SLC1A1: variants seen among roughly 807,000 people sequenced by gnomAD.
SLC1A1 encodes excitatory amino acid transporter 3.
Under a neutral mutation model 53.3 loss-of-function variants are expected in SLC1A1, and 43 were observed. The ratio of observed to expected loss-of-function variants is 0.81; its 90% CI spans 0.63 to 1.04. The LOEUF (loss-of-function observed/expected upper bound fraction) is 1.04, where lower values mean the gene tolerates loss of function less well. Ranked by LOEUF, SLC1A1 falls within the 50% of genes least tolerant of loss-of-function variation. The pLI, the probability that SLC1A1 is intolerant of heterozygous loss-of-function variation, is 0.00. For synonymous variants in SLC1A1, 307 were observed against 243.2 expected, an observed-to-expected ratio of 1.26 and a Z score of -2.44; for missense variants, 748 against 664.9, an observed-to-expected ratio of 1.12 and a Z score of -1.37.
At chr9:4,523,156 G>A (rs1197299080) in intron 1 of SLC1A1, among the ~76,000 whole-genome samples, 2 of 152,140 alleles carry the variant, frequency 1.3e-5, no homozygotes, top group Non-Finnish European at 2.9e-5. Context: ...ACTCCTGCCT[G>A]TGCTGAGTTG....
At chr9:4,561,733 A>G (rs561971509) in intron 3 of SLC1A1, among the ~76,000 whole-genome samples, 192 bp downstream of exon 3, 7 of 152,184 alleles carry the variant, frequency 4.6e-5, no homozygotes, top group Non-Finnish European at 1.0e-4. Context: ...TACCAAAAAT[A>G]CAAAAATATT....
intron 1 of SLC1A1, among the ~76,000 whole-genome samples, chr9:4,492,791 T>A (rs1405631397): frequency 6.7e-6 from 1 of 148,738 alleles, no homozygotes; most frequent in Admixed American, 6.7e-5. Flanking sequence ...AATGAGACCT[T>A]GTCTAAAAAG....
chr9:4,548,152 G>A (rs758307920), intron 2 of SLC1A1, among the ~76,000 whole-genome samples: 4 of 152,056 alleles, frequency 2.6e-5, no homozygotes, highest in Non-Finnish European at 4.4e-5. Context: ...GCCTCTGGTC[G>A]CTTCTCTGCC....
At chr9:4,505,100 G>T (rs2890588) in intron 1 of SLC1A1, among the ~76,000 whole-genome samples, 37,209 of 145,076 alleles carry the variant, frequency 0.26, 5,506 homozygotes, top group South Asian at 0.39. Context: ...AGGCTGGAGT[G>T]CAGCGGCATG....
At chr9:4,495,984 T>C (rs1820401781) in intron 1 of SLC1A1, among the ~76,000 whole-genome samples, 1 of 152,122 alleles carries the variant, frequency 6.6e-6, no homozygotes, top group Admixed American at 6.5e-5. Flanking sequence ...AGCAAACACC[T>C]GGCTAAGTGA....
chr9:4,555,935 A>G (rs1167107280), intron 2 of SLC1A1, among the ~76,000 whole-genome samples: 1 of 152,186 alleles, frequency 6.6e-6, no homozygotes. Context: ...AACTATAGTT[A>G]GAGCAAATTA....
chr9:4,561,630 G>A lies in SLC1A1; in HGVS notation c.325+89G>A, dbSNP rs57816729. ...TTGGTGGCCAGATGCGGTGGCTCAG[G>A]CCTGTAATCTCAGAAATCTGGGAGG... is the stretch of plus-strand genomic sequence containing the variant. On this transcript the variant is annotated intron_variant, in intron 3 of 11. Transcript: ENST00000262352. 5.3e-3 allele frequency: 4,494 copies of A among 843,746 alleles called. 137 individuals are homozygous for A. In the African/African-American group the frequency reaches 0.066, roughly 12 times the overall value. The allele number at this position is 843,746 out of a possible 1,614,324, so 52.3% of individuals were successfully genotyped here.
At chr9:4,516,140 A>G (rs573510283) in intron 1 of SLC1A1, among the ~76,000 whole-genome samples, 10 of 152,286 alleles carry the variant, frequency 6.6e-5, no homozygotes, top group Admixed American at 5.9e-4. Flanking sequence ...CCTATAATCT[A>G]TGAAAGAGCC....
rs1380527670 is a variant in SLC1A1, at chr9:4,574,998, T to C, written c.875+984T>C. 2.0e-5 allele frequency among the ~76,000 whole-genome samples: 3 copies of C among 152,308 alleles called. No individual in the cohort carries two copies. In the East Asian group the frequency reaches 5.8e-4, roughly 29 times the overall value. ...GGAGGCCACCCTGCTGTAGGGCTGC[T>C]GAAACAGGCAGTGCCAGGGATCGTG... On this transcript the variant is annotated intron_variant, in intron 8 of 11. Coordinates refer to ENST00000262352, the MANE Select transcript of SLC1A1 (RefSeq NM_004170.6).
At position 4,561,577 on chromosome 9, in the gene SLC1A1, A is replaced by G. The variant is rs377476603; in HGVS notation, c.325+36A>G. 241 of 1,255,742 alleles carry G rather than the reference A, an allele frequency of 1.9e-4. No individual in the cohort carries two copies. The African/African-American group carries it at 3.2e-3, about 17-fold the overall frequency. 77.8% of individuals were successfully genotyped at this position (1,255,742 alleles called of 1,614,324 possible). A position where few individuals can be genotyped will look rare whatever the true frequency, so the allele number is the denominator to read the frequency against. On this transcript the variant is annotated intron_variant, in intron 3 of 11. Transcript: ENST00000262352. ...TTTCTGAATCCTTACTACTTTATGTAATGGTGATTTTTTCATTCGAAAAGT... is the reference window on the plus strand; with the variant it reads ...TTTCTGAATCCTTACTACTTTATGTGATGGTGATTTTTTCATTCGAAAAGT...
At chr9:4,560,437 G>C (rs9886847) in intron 2 of SLC1A1, among the ~76,000 whole-genome samples, 1 of 151,838 alleles carries the variant, frequency 6.6e-6, no homozygotes, top group Non-Finnish European at 1.5e-5. Context: ...GAGAGGGTTA[G>C]AAACTATAAA....
intron 1 of SLC1A1, among the ~76,000 whole-genome samples, chr9:4,526,602 C>T (rs1412339335): frequency 3.9e-5 from 6 of 152,210 alleles, no homozygotes; most frequent in Admixed American, 2.0e-4. Context: ...GTTCAGTCTG[C>T]GTGGTGGATG....
chr9:4,558,730 C>T (rs1333582490), intron 2 of SLC1A1, among the ~76,000 whole-genome samples: 1 of 152,056 alleles, frequency 6.6e-6, no homozygotes, highest in Non-Finnish European at 1.5e-5. Flanking sequence ...TGAGAGAGTA[C>T]CAAACACATC....
Position 4,585,588 on chromosome 9 carries a change from G to A in SLC1A1, c.*30G>A. 1 of 1,613,950 alleles carries A rather than the reference G, an allele frequency of 6.2e-7. No homozygotes were observed. Among genetic ancestry groups the A allele is most frequent in the Non-Finnish European group, 8.5e-7 (1 of 1,179,854 alleles). Reference sequence around the variant, plus strand: ...CCTGGCTGCAGATGACTGGAAACAAGGAAGGACATTTCCGTGAGAGTCATC... The same window carrying A: ...CCTGGCTGCAGATGACTGGAAACAAAGAAGGACATTTCCGTGAGAGTCATC... On this transcript the variant is annotated 3_prime_UTR_variant, in exon 12 of 12. Coordinates refer to ENST00000262352, the MANE Select transcript of SLC1A1 (RefSeq NM_004170.6).
intron 1 of SLC1A1, among the ~76,000 whole-genome samples, chr9:4,522,181 A>G (rs1816101723): frequency 6.6e-6 from 1 of 150,758 alleles, no homozygotes; most frequent in South Asian, 2.1e-4. Context: ...CCTCCCGAGT[A>G]GCTGGGACTA....
At chr9:4,565,087 A>G (rs746242790) in intron 4 of SLC1A1, among the ~76,000 whole-genome samples, 2 of 152,238 alleles carry the variant, frequency 1.3e-5, no homozygotes, top group East Asian at 1.9e-4. Context: ...AGACATTGCA[A>G]AGAAAGCTAA....
intron 1 of SLC1A1, among the ~76,000 whole-genome samples, chr9:4,496,813 CAT>C (rs1820441509): frequency 6.6e-6 from 1 of 152,124 alleles, no homozygotes; most frequent in South Asian, 2.1e-4. Flanking sequence ...GGGAAGATCA[CAT>C]GAGGCCAGGA....
chr9:4,558,721 G>A (rs994317734), intron 2 of SLC1A1, among the ~76,000 whole-genome samples: 6 of 152,132 alleles, frequency 3.9e-5, no homozygotes, highest in Non-Finnish European at 5.9e-5. Flanking sequence ...AGAAAATCCT[G>A]AGAGAGTACC....
chr9:4,520,910 A>AT (rs1273009799), intron 1 of SLC1A1, among the ~76,000 whole-genome samples: 1 of 152,254 alleles, frequency 6.6e-6, no homozygotes, highest in Non-Finnish European at 1.5e-5. Context: ...GTTTCTCCAC[A>AT]TCCTCACCAA....
Sources: gnomAD v4.1 joint callset for allele counts (sites outside exome capture counted in the v4.1 genomes callset) on GRCh38, gnomAD v4.1.1 for gene constraint, MANE v1.5 for transcripts, NCBI Gene and HGNC (gene_info 2026-07-23, HGNC 2026-07-21) for gene names.